The following TNFRSF10D variants were observed in gnomAD, a reference collection of about 807,000 sequenced individuals.
The protein encoded by TNFRSF10D is TNF receptor superfamily member 10d.
A neutral mutation model predicts 42.1 loss-of-function variants in TNFRSF10D; 28 were observed. The ratio of observed to expected loss-of-function variants is 0.66; its 90% confidence interval spans 0.49 to 0.91. TNFRSF10D has a LOEUF of 0.91. Ranked by LOEUF, TNFRSF10D falls within the 40% of genes least tolerant of loss-of-function variation. TNFRSF10D has a pLI of 0.00. For missense variants in TNFRSF10D, 503 were observed against 486.1 expected, an observed-to-expected ratio of 1.03 and a Z score of -0.33; for synonymous variants, 186 against 189.4, an observed-to-expected ratio of 0.98 and a Z score of 0.15.
At chr8:23,160,900 G>GC (rs1800357748) in intron 1 of TNFRSF10D, among the ~76,000 whole-genome samples, 1 of 152,240 alleles carries the variant, frequency 6.6e-6, no homozygotes, top group Non-Finnish European at 1.5e-5. Context: ...CCAGGCTGTG[G>GC]CCCTGCAGTG....
At chr8:23,156,148 G>A (rs552320077) in intron 1 of TNFRSF10D, among the ~76,000 whole-genome samples, 787 of 151,860 alleles carry the variant, frequency 5.2e-3, no homozygotes, top group African/African-American at 0.017. Flanking sequence ...AGTACACACT[G>A]AAAAATTCAA....
Position 23,153,864 on chromosome 8 carries a change from T to C in TNFRSF10D, c.256+1010A>G, listed in dbSNP as rs531739159. The stretch of plus-strand genomic sequence containing the variant: ...TAACTATATGATCCAGCAATCCCAG[T>C]ATTGTGTATACATCCAAAGGAAATG... On this transcript the variant is annotated intron_variant, in intron 2 of 8. Coordinates refer to ENST00000312584, the MANE Select transcript of TNFRSF10D (RefSeq NM_003840.5). 2.0e-5 allele frequency among the ~76,000 whole-genome samples: 3 copies of C among 152,330 alleles called. No homozygotes were observed. In the South Asian group the frequency reaches 6.2e-4, roughly 32 times the overall value.
chr8:23,153,633 C>G (rs1800236829), intron 2 of TNFRSF10D, among the ~76,000 whole-genome samples: 1 of 152,156 alleles, frequency 6.6e-6, no homozygotes, highest in Admixed American at 6.5e-5. Context: ...TGCTCAACAT[C>G]ACTAATCAGG....
rs774130336 is a variant in TNFRSF10D at position 23,146,972 on chromosome 8, C to G, written c.471G>C (p.Thr157=). Residue 157 remains threonine (T), a synonymous_variant, in exon 4 of 9, where the codon ACG becomes ACC. Transcript: ENST00000312584. ...GGCTGCTGTCTTACCCTGTTCTACA[C>G]GTCCGGCACATCTCAGGGGAGTTTT... ...QDKNSPEMCR[T]CRTGCPRGMV... 1 of 1,614,044 alleles carries G rather than the reference C, an allele frequency of 6.2e-7. No homozygotes were observed. Among genetic ancestry groups the G allele is most frequent in the African/African-American group, 1.3e-5 (1 of 75,048 alleles).
intron 1 of TNFRSF10D, among the ~76,000 whole-genome samples, chr8:23,156,646 T>C (rs1295681513): frequency 2.3e-3 from 350 of 150,420 alleles, no homozygotes; most frequent in African/African-American, 7.6e-3. Context: ...CTCACTACAA[T>C]CTCTGCCTCC....
chr8:23,140,422 C>T (rs1321530147), intron 7 of TNFRSF10D, among the ~76,000 whole-genome samples: 1 of 147,536 alleles, frequency 6.8e-6, no homozygotes, highest in Non-Finnish European at 1.5e-5. Context: ...ACACACAATA[C>T]CTAGAAATAC....
chr8:23,145,865 C>T lies in TNFRSF10D; in HGVS notation c.539G>A (p.Cys180Tyr). The change falls in exon 5 of 9, where the codon TGC becomes TAC. Residue 180 changes from cysteine to tyrosine, a missense_variant. Transcript: ENST00000312584. Reference sequence around the variant, plus strand: ...GGAACTGGCAGCTGATTCATTTTTGCACTTGATGTCACTCCGGGGCGTACA... The same window carrying T: ...GGAACTGGCAGCTGATTCATTTTTGTACTTGATGTCACTCCGGGGCGTACA... ...SNCTPRSDIK[C>Y]KNESAASSTG... 1 of 1,614,186 alleles carries T rather than the reference C, an allele frequency of 6.2e-7. No individual in the cohort carries two copies. Among genetic ancestry groups the T allele is most frequent in the Non-Finnish European group, 8.5e-7 (1 of 1,180,036 alleles).
In TNFRSF10D at chr8:23,137,915, G is replaced by C. The variant is rs759638233; in HGVS notation, c.1116C>G (p.Leu372=). ...IQDQLVGSEK[L]FYEEDEAGSA... Reference sequence around the variant, plus strand: ...AGCCTGCCTCATCTTCTTCATAAAAGAGCTTTTCGGAGCCCACCAGTTGGT... The same window carrying C: ...AGCCTGCCTCATCTTCTTCATAAAACAGCTTTTCGGAGCCCACCAGTTGGT... The change falls in exon 9 of 9, where the codon CTC becomes CTG. Residue 372 remains leucine (L), a synonymous_variant. Coordinates refer to ENST00000312584, the MANE Select transcript of TNFRSF10D (RefSeq NM_003840.5). The C allele has an allele frequency of 1.2e-6, 2 of 1,614,232 alleles. No homozygotes were observed. Among genetic ancestry groups the C allele is most frequent in the Admixed American group, 3.3e-5 (2 of 60,028 alleles).
intron 4 of TNFRSF10D, 77 bp downstream of exon 4, chr8:23,146,884 G>A: frequency 8.0e-7 from 1 of 1,248,520 alleles, no homozygotes; most frequent in Non-Finnish European, 1.2e-6. Context: ...GGGGTCAGCG[G>A]AGAGATAGAG....
chr8:23,145,707 G>C lies in TNFRSF10D; in HGVS notation c.697C>G (p.Arg233Gly). ...TTGAGGTAAGAAATGAATTTCTTCC[G>C]ACATGAAAAGCCAACCACAACCACA... Reference protein sequence around the residue: ...LAVVVVGFSCRKKFISYLKGI... With the variant: ...LAVVVVGFSCGKKFISYLKGI... Residue 233 changes from arginine (R) to glycine (G), a missense_variant, in exon 5 of 9, where the codon CGG becomes GGG. Transcript: ENST00000312584. 1.9e-6 allele frequency: 3 copies of C among 1,614,120 alleles called. No homozygotes were observed. The highest frequency in any genetic ancestry group is 2.5e-6 in the Non-Finnish European group (3 of 1,180,022).
chr8:23,138,933 G>A (rs889507011), intron 7 of TNFRSF10D, among the ~76,000 whole-genome samples: 1 of 152,084 alleles, frequency 6.6e-6, no homozygotes, highest in Non-Finnish European at 1.5e-5. Flanking sequence ...ATCAAATCAG[G>A]ACCCAAACAC....
Position 23,154,968 on chromosome 8 carries a change from G to T in TNFRSF10D, c.162C>A (p.Asp54Glu), listed in dbSNP as rs367742530. 2.6e-4 allele frequency: 412 copies of T among 1,611,884 alleles called. No individual in the cohort carries two copies. The highest frequency in any genetic ancestry group is 3.4e-4 in the Non-Finnish European group (400 of 1,178,984). Residue 54 changes from aspartate (D) to glutamate (E), a missense_variant, in exon 2 of 9, where the codon GAC becomes GAA. Coordinates refer to ENST00000312584, the MANE Select transcript of TNFRSF10D (RefSeq NM_003840.5). ...CGTCCTGCCGGGGGATGGTGGCAGA[G>T]TCAACCCGGACCTGTGGGGACAAGG... ...IVAVLLPVRV[D>E]SATIPRQDEV... is the part of the protein sequence containing the mutation.
At position 23,137,008 on chromosome 8, in the gene TNFRSF10D, T is replaced by A. The variant is rs139382381; in HGVS notation, c.*862A>T. On this transcript the variant is annotated 3_prime_UTR_variant, in exon 9 of 9. Coordinates refer to ENST00000312584, the MANE Select transcript of TNFRSF10D (RefSeq NM_003840.5). ...AGTCATTTTTGACTGCTGATTTGTA[T>A]CCAGGCAACCCATGTAAACAGCCTA... 7.9e-5 allele frequency: 12 copies of A among 152,194 alleles called. No individual in the cohort carries two copies. The highest frequency in any genetic ancestry group is 1.3e-4 in the Non-Finnish European group (9 of 68,026). The allele number at this position is 152,194 out of a possible 1,614,324, so 9.4% of individuals were successfully genotyped here.
intron 4 of TNFRSF10D, among the ~76,000 whole-genome samples, chr8:23,146,165 C>G (rs1035595802): frequency 6.6e-6 from 1 of 152,228 alleles, no homozygotes; most frequent in Non-Finnish European, 1.5e-5. Context: ...GCCTTCTGTG[C>G]TGGGCACACA....
At chr8:23,158,775 T>C (rs1244275450) in intron 1 of TNFRSF10D, among the ~76,000 whole-genome samples, 1 of 152,240 alleles carries the variant, frequency 6.6e-6, no homozygotes, top group Non-Finnish European at 1.5e-5. Flanking sequence ...GTGCTTATAT[T>C]CTATTGAAGG....
intron 7 of TNFRSF10D, among the ~76,000 whole-genome samples, chr8:23,143,016 G>A (rs1316901383): frequency 6.7e-6 from 1 of 150,072 alleles, no homozygotes. Context: ...TGACTCTGTA[G>A]CCCAGGCTGG....
At chr8:23,150,319 G>A (rs1412949134) in intron 2 of TNFRSF10D, among the ~76,000 whole-genome samples, 1 of 152,196 alleles carries the variant, frequency 6.6e-6, no homozygotes, top group Non-Finnish European at 1.5e-5. Context: ...CAGGCCTCAG[G>A]TCACCTCTCT....
intron 2 of TNFRSF10D, among the ~76,000 whole-genome samples, chr8:23,148,848 C>T (rs1354839823): frequency 1.3e-5 from 2 of 151,948 alleles, no homozygotes; most frequent in Non-Finnish European, 2.9e-5. Context: ...CTAAAAATAT[C>T]CAAAACACTA....
chr8:23,151,459 T>C lies in TNFRSF10D; in HGVS notation c.257-2908A>G, dbSNP rs1052522800. ...AACACTAACTGGATACACAAAACCATGCGAAAATATAAAACTAGGTGGTTA... is the reference window on the plus strand; with the variant it reads ...AACACTAACTGGATACACAAAACCACGCGAAAATATAAAACTAGGTGGTTA... On this transcript the variant is annotated intron_variant, in intron 2 of 8. Transcript: ENST00000312584. Among the ~76,000 whole-genome samples, 3 of 151,626 alleles carry C rather than the reference T, an allele frequency of 2.0e-5. No individual in the cohort carries two copies. In the South Asian group the frequency reaches 6.3e-4, roughly 32 times the overall value.
Sources: allele counts gnomAD v4.1 joint callset (sites outside exome capture counted in the v4.1 genomes callset), GRCh38; gene constraint gnomAD v4.1.1; transcripts MANE v1.5; gene names NCBI Gene and HGNC (gene_info 2026-07-23, HGNC 2026-07-21).